HS6ST2: variants seen among roughly 807,000 people sequenced by gnomAD.
HS6ST2 encodes heparan-sulfate 6-O-sulfotransferase 2.
HS6ST2 carries 17 observed loss-of-function variants against 33.0 expected under a neutral mutation model. The ratio of observed to expected loss-of-function variants is 0.52; its 90% CI spans 0.35 to 0.77. HS6ST2 has a LOEUF of 0.77. Among genes scored for constraint, HS6ST2 ranks in the 30% least tolerant of loss-of-function variants. HS6ST2 has a pLI of 0.01. For synonymous variants in HS6ST2, 248 were observed against 237.1 expected, an observed-to-expected ratio of 1.05 and a Z score of -0.42; for missense variants, 519 against 551.7, an observed-to-expected ratio of 0.94 and a Z score of 0.59.
chrX:132,769,600 T>C (rs965663195), intron 2 of HS6ST2, among the ~76,000 whole-genome samples: 4 of 112,312 alleles, frequency 3.6e-5, no homozygotes, highest in Non-Finnish European at 7.5e-5. Flanking sequence ...ACTACAAAAG[T>C]CATTATTCAG....
chrX:132,851,115 T>C (rs1179872744), intron 2 of HS6ST2, among the ~76,000 whole-genome samples: 1 of 111,994 alleles, frequency 8.9e-6, no homozygotes, highest in East Asian at 2.8e-4. Flanking sequence ...AGTCACTGAG[T>C]TCCTAGGATC....
intron 2 of HS6ST2, among the ~76,000 whole-genome samples, chrX:132,956,357 G>T (rs1288427188): frequency 9.1e-5 from 10 of 109,392 alleles, no homozygotes; most frequent in Middle Eastern, 4.7e-3. Context: ...GGAAAGCGGG[G>T]GGAGGGAAGA....
intron 2 of HS6ST2, among the ~76,000 whole-genome samples, chrX:132,806,322 C>A (rs1276321049): frequency 9.1e-6 from 1 of 110,385 alleles, no homozygotes; most frequent in East Asian, 2.8e-4. Context: ...AGCCTCATCT[C>A]ATTTGTCTTA....
Position 132,836,395 on chromosome X carries a change from G to C in HS6ST2, c.947+120413C>G, listed in dbSNP as rs898206003. ...ACATGAGGGAGTCTCAAGGGTACTG[G>C]CAACAGGGCACCTTAAGGTTGCTAG... On this transcript the variant is annotated intron_variant, in intron 2 of 4. Coordinates refer to ENST00000370833, the MANE Select transcript of HS6ST2 (RefSeq NM_001394073.1). Among the ~76,000 whole-genome samples the C allele has an allele frequency of 8.0e-5, 9 of 112,593 alleles. 1 individual carries two copies. Among genetic ancestry groups the C allele is most frequent in the Admixed American group, 4.7e-4 (5 of 10,709 alleles).
At chrX:132,927,222 T>G (rs758296214) in intron 2 of HS6ST2, among the ~76,000 whole-genome samples, 2 of 110,694 alleles carry the variant, frequency 1.8e-5, no homozygotes, top group East Asian at 5.7e-4. Flanking sequence ...CTGAATCCAT[T>G]CACCTCTCTG....
chrX:132,857,212 G>A (rs776206210), intron 2 of HS6ST2, among the ~76,000 whole-genome samples: 23 of 112,293 alleles, frequency 2.0e-4, no homozygotes, highest in African/African-American at 6.8e-4. Flanking sequence ...TCGGCCGGGC[G>A]CGGTGGCTCA....
intron 2 of HS6ST2, 128 bp from the exon 3 acceptor site, chrX:132,708,622 C>A (rs2064205757): frequency 1.8e-6 from 1 of 550,488 alleles, no homozygotes. Flanking sequence ...GGAAACAGCT[C>A]ATAGATGGCT....
At chrX:132,759,054 C>T (rs1282917544) in intron 2 of HS6ST2, among the ~76,000 whole-genome samples, 1 of 111,822 alleles carries the variant, frequency 8.9e-6, no homozygotes, top group Non-Finnish European at 1.9e-5. Context: ...CACATTTCCC[C>T]TGAGGGTTAT....
chrX:132,923,965 A>G (rs929979250), intron 2 of HS6ST2, among the ~76,000 whole-genome samples: 7 of 112,544 alleles, frequency 6.2e-5, no homozygotes, highest in Non-Finnish European at 1.3e-4. Flanking sequence ...CCTTTCAAGC[A>G]TCCAATGCTA....
chrX:132,703,310 G>A (rs1329914330), intron 3 of HS6ST2, among the ~76,000 whole-genome samples: 1 of 112,930 alleles, frequency 8.9e-6, no homozygotes, highest in African/African-American at 3.2e-5. Flanking sequence ...AGAACACTTG[G>A]AATTGAGACT....
At chrX:132,633,500 G>A (rs2063533134) in intron 4 of HS6ST2, among the ~76,000 whole-genome samples, 1 of 110,966 alleles carries the variant, frequency 9.0e-6, no homozygotes, top group South Asian at 4.0e-4. Flanking sequence ...GTGACAAAAG[G>A]GATTCGGGGG....
intron 2 of HS6ST2, among the ~76,000 whole-genome samples, chrX:132,755,242 T>A (rs1264621872): frequency 8.9e-6 from 1 of 112,463 alleles, no homozygotes; most frequent in East Asian, 2.8e-4. Context: ...GTATATTTTC[T>A]CAAGTTTTTA....
chrX:132,774,988 C>G (rs1003789671), intron 2 of HS6ST2, among the ~76,000 whole-genome samples: 2 of 110,981 alleles, frequency 1.8e-5, no homozygotes, highest in South Asian at 7.8e-4. Flanking sequence ...GCCCAAAGTA[C>G]CGTTTTCTTC....
At chrX:132,885,406 A>T (rs1476790081) in intron 2 of HS6ST2, among the ~76,000 whole-genome samples, 1 of 110,783 alleles carries the variant, frequency 9.0e-6, no homozygotes, top group Non-Finnish European at 1.9e-5. Context: ...ATATCTCAAT[A>T]AAAAAAATGA....
At chrX:132,954,857 G>A (rs761356889) in intron 2 of HS6ST2, among the ~76,000 whole-genome samples, 16 of 112,113 alleles carry the variant, frequency 1.4e-4, no homozygotes, top group Non-Finnish European at 2.3e-4. Context: ...AAGAGGCTTT[G>A]AGGGGTTCTG....
At chrX:132,880,827 T>C (rs1429793328) in intron 2 of HS6ST2, among the ~76,000 whole-genome samples, 1 of 100,666 alleles carries the variant, frequency 9.9e-6, no homozygotes, top group Non-Finnish European at 2.0e-5. Context: ...TCTTCCTGTG[T>C]CCAAGTGTAC....
At chrX:132,911,995 T>C (rs2066540791) in intron 2 of HS6ST2, among the ~76,000 whole-genome samples, 1 of 111,636 alleles carries the variant, frequency 9.0e-6, no homozygotes, top group Non-Finnish European at 1.9e-5. Flanking sequence ...CACTCTATCA[T>C]ATATCCCTGT....
intron 2 of HS6ST2, among the ~76,000 whole-genome samples, chrX:132,915,197 A>T (rs1372688968): frequency 3.6e-5 from 4 of 111,668 alleles, no homozygotes; most frequent in African/African-American, 6.5e-5. Context: ...TTAAACCTTA[A>T]CTGTCTCTGT....
chrX:132,648,557 G>T (rs866154977), intron 4 of HS6ST2, among the ~76,000 whole-genome samples: 1 of 83,816 alleles, frequency 1.2e-5, no homozygotes, highest in Non-Finnish European at 2.3e-5. Flanking sequence ...AAAAAAAAAA[G>T]GTTGGGTGTA....
Sources: allele counts gnomAD v4.1 joint callset (sites outside exome capture counted in the v4.1 genomes callset), GRCh38; gene constraint gnomAD v4.1.1; transcripts MANE v1.5; gene names NCBI Gene and HGNC (gene_info 2026-07-23, HGNC 2026-07-21).